DLGAP2: variants seen among roughly 807,000 people sequenced by gnomAD.
DLGAP2 encodes the protein disks large-associated protein 2.
DLGAP2 carries 26 observed loss-of-function variants against 100.3 expected under a neutral mutation model. That is an observed-to-expected ratio of 0.26 (90% CI 0.19 to 0.36). DLGAP2 has a LOEUF of 0.36. Among genes scored for constraint, DLGAP2 ranks in the 10% least tolerant of loss-of-function variants. DLGAP2 has a pLI of 1.00. For missense variants in DLGAP2, 1,858 were observed against 1,453.2 expected, an observed-to-expected ratio of 1.28 and a Z score of -4.53; for synonymous variants, 886 against 630.1, an observed-to-expected ratio of 1.41 and a Z score of -6.08.
chr8:1,259,762 C>G (rs906954422), intron 3 of DLGAP2: 7 of 152,104 alleles, frequency 4.6e-5, no homozygotes, highest in African/African-American at 1.4e-4. Context: ...TCAACCGTGT[C>G]CATTGGAAAG....
intron 10 of DLGAP2, 127 bp downstream of exon 10, chr8:1,669,911 T>C: frequency 1.4e-6 from 1 of 706,226 alleles, no homozygotes; most frequent in South Asian, 1.6e-5. Flanking sequence ...CTATGCTGGG[T>C]GCTCCCATCT....
intron 2 of DLGAP2, among the ~76,000 whole-genome samples, chr8:1,219,749 T>G (rs1798280780): frequency 6.6e-6 from 1 of 152,152 alleles, no homozygotes; most frequent in African/African-American, 2.4e-5. Flanking sequence ...GTCCCAGGGC[T>G]TTTTCTTGTT....
At chr8:1,247,307 G>A (rs1798932529) in intron 2 of DLGAP2, among the ~76,000 whole-genome samples, 1 of 32,544 alleles carries the variant, frequency 3.1e-5, no homozygotes, top group Non-Finnish European at 8.3e-5. Context: ...AGACCATTGA[G>A]ATCAGTGTGG....
At chr8:1,470,905 C>A (rs1798771631) in intron 3 of DLGAP2, among the ~76,000 whole-genome samples, 1 of 13,662 alleles carries the variant, frequency 7.3e-5, no homozygotes, top group Non-Finnish European at 2.2e-4. Flanking sequence ...CCAGCCTTTC[C>A]CGACCCCTCC....
At chr8:866,390 GC>G (rs1797499000) in intron 1 of DLGAP2, among the ~76,000 whole-genome samples, 1 of 152,234 alleles carries the variant, frequency 6.6e-6, no homozygotes, top group Non-Finnish European at 1.5e-5. Flanking sequence ...GACCAGGAGA[GC>G]CCAGGGCCTG....
chr8:934,452 C>T (rs1427920120), intron 2 of DLGAP2, among the ~76,000 whole-genome samples: 1 of 152,214 alleles, frequency 6.6e-6, no homozygotes, highest in Non-Finnish European at 1.5e-5. Context: ...GATCTATTTC[C>T]AGCTCCATTG....
At chr8:821,271 C>A (rs1411969627) in intron 1 of DLGAP2, among the ~76,000 whole-genome samples, 2 of 152,152 alleles carry the variant, frequency 1.3e-5, no homozygotes, top group Non-Finnish European at 2.9e-5. Flanking sequence ...CCCTGACCTT[C>A]AGGAAAGTCA....
Position 1,233,268 on chromosome 8 carries a change from A to G in DLGAP2, c.74-25583A>G, listed in dbSNP as rs1798574717. Among the ~76,000 whole-genome samples, 3 of 152,218 alleles carry G rather than the reference A, an allele frequency of 2.0e-5. No individual in the cohort carries two copies. The South Asian group carries it at 6.2e-4, about 32-fold the overall frequency. On this transcript the variant is annotated intron_variant, in intron 2 of 14. Coordinates refer to ENST00000637795, the MANE Select transcript of DLGAP2 (RefSeq NM_001346810.2). ...GGCTGCTGTGAACATTTGTGTGAGC[A>G]TCCTGGATGCATTCCCCTACCTTTC...
intron 1 of DLGAP2, among the ~76,000 whole-genome samples, chr8:778,728 C>T (rs1821599669): frequency 6.6e-6 from 1 of 152,222 alleles, no homozygotes; most frequent in Admixed American, 6.5e-5. Flanking sequence ...ACTGGGAGAA[C>T]CACTGCTCTC....
At position 1,411,850 on chromosome 8, in the gene DLGAP2, C is replaced by T. The variant is rs149251370; in HGVS notation, c.107-89516C>T. Among the ~76,000 whole-genome samples, 95 of 152,298 alleles carry T rather than the reference C, an allele frequency of 6.2e-4. 1 individual carries two copies. The highest frequency in any genetic ancestry group is 2.2e-3 in the African/African-American group (92 of 41,580). On this transcript the variant is annotated intron_variant, in intron 3 of 14. Transcript: ENST00000637795. ...CCTAATCAGCTCTGCCCTCATGAGCCGTCGTGTGGGCCCTGGTGGTGCGGC... is the reference window on the plus strand; with the variant it reads ...CCTAATCAGCTCTGCCCTCATGAGCTGTCGTGTGGGCCCTGGTGGTGCGGC...
At chr8:1,335,466 C>T (rs1801252987) in intron 3 of DLGAP2, among the ~76,000 whole-genome samples, 1 of 152,194 alleles carries the variant, frequency 6.6e-6, no homozygotes, top group Non-Finnish European at 1.5e-5. Context: ...GGACAGTGTG[C>T]TTCCTCTGGA....
chr8:1,146,835 CAGGGCTGCCTATT>C lies in DLGAP2; in HGVS notation c.74-112013_74-112001del, dbSNP rs1796617453. On this transcript the variant is annotated intron_variant, in intron 2 of 14. Transcript: ENST00000637795. ...TCCCCACACAAGGGTAGGCCTGTTT[CAGGGCTGCCTATT>C]AGAACCATTGATCTCTTTGTCAAAC... 9.2e-5 allele frequency among the ~76,000 whole-genome samples: 14 copies of C among 152,360 alleles called. No individual in the cohort carries two copies. The South Asian group carries it at 2.9e-3, about 32-fold the overall frequency.
intron 2 of DLGAP2, among the ~76,000 whole-genome samples, chr8:910,081 T>G (rs757822444): frequency 6.6e-6 from 1 of 152,202 alleles, no homozygotes; most frequent in African/African-American, 2.4e-5. Context: ...ACGAAACGAG[T>G]TCTGCAGATG....
Position 1,549,060 on chromosome 8 carries a change from C to T in DLGAP2, c.607C>T (p.His203Tyr). 1 of 1,590,684 alleles carries T rather than the reference C, an allele frequency of 6.3e-7. No homozygotes were observed. Among genetic ancestry groups the T allele is most frequent in the Non-Finnish European group, 8.5e-7 (1 of 1,172,718 alleles). ...LDQFEKQLPL[H>Y]RDGFHTLQYQ... ...CCAGTTCGAGAAGCAGCTGCCGCTG[C>T]ACCGGGACGGCTTCCACACGCTGCA... The change falls in exon 5 of 15, where the codon CAC (histidine) becomes TAC (tyrosine). Residue 203 changes from histidine (H) to tyrosine (Y), a missense_variant. By Grantham distance (83) the His-to-Tyr change is moderately conservative. Coordinates refer to ENST00000637795, the MANE Select transcript of DLGAP2 (RefSeq NM_001346810.2).
chr8:1,073,891 A>C (rs375625508), intron 2 of DLGAP2, among the ~76,000 whole-genome samples: 87 of 152,272 alleles, frequency 5.7e-4, no homozygotes, highest in African/African-American at 2.0e-3. Context: ...TCAGACTGAG[A>C]CTGAACTCAC....
At chr8:1,673,110 C>G (rs754519886) in intron 10 of DLGAP2, among the ~76,000 whole-genome samples, 2 of 152,086 alleles carry the variant, frequency 1.3e-5, no homozygotes, top group African/African-American at 2.4e-5. Context: ...ATATATTTTT[C>G]AAAACTTTAA....
At chr8:1,390,150 A>G (rs1181249770) in intron 3 of DLGAP2, among the ~76,000 whole-genome samples, 1 of 150,534 alleles carries the variant, frequency 6.6e-6, no homozygotes, top group Non-Finnish European at 1.5e-5. Context: ...CAGTAACTAA[A>G]TCGAGGCACT....
At chr8:1,278,798 T>G (rs1799758585) in intron 3 of DLGAP2, among the ~76,000 whole-genome samples, 1 of 152,234 alleles carries the variant, frequency 6.6e-6, no homozygotes, top group South Asian at 2.1e-4. Context: ...AAAAATAATT[T>G]CAGTGTTCCA....
intron 3 of DLGAP2, among the ~76,000 whole-genome samples, chr8:1,448,337 A>T (rs535074894): frequency 2.6e-5 from 4 of 152,078 alleles, no homozygotes; most frequent in African/African-American, 9.6e-5. Context: ...CCTTCATTTT[A>T]TTATGTACCT....
Sources: allele counts gnomAD v4.1 joint callset (sites outside exome capture counted in the v4.1 genomes callset), GRCh38; gene constraint gnomAD v4.1.1; transcripts MANE v1.5; gene names NCBI Gene and HGNC (gene_info 2026-07-23, HGNC 2026-07-21).